The following FAAH2 variants were observed in gnomAD, a reference collection of about 807,000 sequenced individuals.
FAAH2 encodes the protein fatty acid amide hydrolase 2, also known as fatty-acid amide hydrolase 2.
Under a neutral mutation model 36.9 loss-of-function variants are expected in FAAH2, and 60 were observed. That is an observed-to-expected ratio of 1.63 (90% CI 1.32 to 2.02). The LOEUF (loss-of-function observed/expected upper bound fraction) is 2.02. Ranked by LOEUF, FAAH2 falls within the 30% of genes most tolerant of loss-of-function variation. The pLI is 0.00. For synonymous variants in FAAH2, 214 were observed against 143.8 expected, an observed-to-expected ratio of 1.49 and a Z score of -3.49; for missense variants, 689 against 397.5, an observed-to-expected ratio of 1.73 and a Z score of -6.23.
intron 10 of FAAH2, among the ~76,000 whole-genome samples, chrX:57,485,245 C>T (rs1183721710): frequency 1.1e-4 from 12 of 111,653 alleles, no homozygotes; most frequent in African/African-American, 3.9e-4. Context: ...CCTACTCTCT[C>T]CCTGGCCCAG....
chrX:57,232,629 T>A, the FAAH2 span, among the ~76,000 whole-genome samples: 1 of 112,464 alleles, frequency 8.9e-6, no homozygotes, highest in Non-Finnish European at 1.9e-5. Context: ...CTCTCGTAAC[T>A]AAGATAGACA....
intron 7 of FAAH2, among the ~76,000 whole-genome samples, chrX:57,389,963 A>G (rs1381015969): frequency 9.2e-6 from 1 of 108,207 alleles, no homozygotes; most frequent in Non-Finnish European, 1.9e-5. Flanking sequence ...TTTTTTTTTC[A>G]TATACCTAGG....
intron 8 of FAAH2, among the ~76,000 whole-genome samples, chrX:57,439,160 C>A (rs1482032643): frequency 1.8e-5 from 2 of 109,802 alleles, no homozygotes; most frequent in East Asian, 5.8e-4. Context: ...AGTTCTAGAT[C>A]CCTGAGGAAT....
intron 3 of FAAH2, among the ~76,000 whole-genome samples, chrX:57,324,855 G>A (rs2053161276): frequency 1.8e-5 from 2 of 111,728 alleles, no homozygotes; most frequent in Non-Finnish European, 3.8e-5. Flanking sequence ...TAATTGCCCT[G>A]GCCATAACTT....
chrX:57,474,850 C>A (rs2057235390), intron 10 of FAAH2, among the ~76,000 whole-genome samples: 1 of 112,085 alleles, frequency 8.9e-6, no homozygotes, highest in Admixed American at 9.5e-5. Flanking sequence ...CACAGGCACA[C>A]CAGCATCTGT....
the FAAH2 span, among the ~76,000 whole-genome samples, chrX:57,280,782 C>T: frequency 8.9e-6 from 1 of 111,855 alleles, no homozygotes; most frequent in Non-Finnish European, 1.9e-5. Flanking sequence ...CAGCTTTATT[C>T]AATAATAACC....
At chrX:57,388,452 C>A (rs1466792012) in intron 7 of FAAH2, among the ~76,000 whole-genome samples, 1 of 111,016 alleles carries the variant, frequency 9.0e-6, no homozygotes, top group Non-Finnish European at 1.9e-5. Context: ...ATGCCAAGGC[C>A]TTGTGTGCTG....
chrX:57,218,734 C>T, the FAAH2 span, among the ~76,000 whole-genome samples: 1 of 110,983 alleles, frequency 9.0e-6, no homozygotes, highest in African/African-American at 3.3e-5. Context: ...AGGGAGGGTT[C>T]CTTCTCTATA....
intron 2 of FAAH2, among the ~76,000 whole-genome samples, chrX:57,308,821 C>T (rs1294613964): frequency 9.0e-6 from 1 of 111,409 alleles, no homozygotes; most frequent in African/African-American, 3.3e-5. Context: ...ATTCTCACTA[C>T]CACCATGTTA....
At chrX:57,145,259 G>GGC in the FAAH2 span, among the ~76,000 whole-genome samples, 2 of 108,037 alleles carry the variant, frequency 1.9e-5, 1 homozygote, top group African/African-American at 7.1e-5. Context: ...CTTTTGGGGG[G>GGC]GGGTAAGGTG....
the FAAH2 span, among the ~76,000 whole-genome samples, chrX:57,183,898 A>AT: frequency 9.1e-6 from 1 of 110,157 alleles, no homozygotes; most frequent in Non-Finnish European, 1.9e-5. Flanking sequence ...ATATCGCTAA[A>AT]TTTTTTTCCT....
At chrX:57,136,948 C>A in the FAAH2 span, 12 of 864,982 alleles carry the variant, frequency 1.4e-5, 1 homozygote, top group Non-Finnish European at 3.0e-6. Flanking sequence ...CCAGCACCCA[C>A]TACCCTCCTG....
Position 57,489,013 on chromosome X carries a change from C to A in FAAH2, c.*81C>A. On this transcript the variant is annotated 3_prime_UTR_variant, in exon 11 of 11. Coordinates refer to ENST00000374900, the MANE Select transcript of FAAH2 (RefSeq NM_174912.4). ...TCTATTAATTGGGTGAAATCAAGCA[C>A]CAGCAGACAAGCAGAGAAACAACTG... 2 of 967,822 alleles carry A rather than the reference C, an allele frequency of 2.1e-6. No individual in the cohort carries two copies. Among genetic ancestry groups the A allele is most frequent in the Non-Finnish European group, 2.8e-6 (2 of 726,548 alleles). The allele number at this position is 967,822 out of a possible 1,213,427, so 79.8% of individuals were successfully genotyped here.
intron 7 of FAAH2, among the ~76,000 whole-genome samples, chrX:57,420,737 G>A (rs1016167846): frequency 9.3e-6 from 1 of 107,612 alleles, no homozygotes; most frequent in African/African-American, 3.4e-5. Context: ...AATTGCCCTG[G>A]CCAGAACTTC....
the FAAH2 span, among the ~76,000 whole-genome samples, chrX:57,180,868 A>G: frequency 9.0e-6 from 1 of 111,709 alleles, no homozygotes; most frequent in African/African-American, 3.2e-5. Flanking sequence ...TCCTTCATGA[A>G]CATCGTTGCA....
the FAAH2 span, among the ~76,000 whole-genome samples, chrX:57,147,654 C>T: frequency 9.0e-6 from 1 of 111,704 alleles, no homozygotes; most frequent in African/African-American, 3.2e-5. Flanking sequence ...ACATTAGGAA[C>T]ATTGTCTATT....
the FAAH2 span, among the ~76,000 whole-genome samples, chrX:57,169,172 C>T: frequency 9.1e-6 from 1 of 109,513 alleles, no homozygotes; most frequent in East Asian, 2.9e-4. Context: ...TCAGTACTAT[C>T]GGATTAGGGA....
chrX:57,183,432 C>T, the FAAH2 span, among the ~76,000 whole-genome samples: 1 of 111,026 alleles, frequency 9.0e-6, no homozygotes, highest in Non-Finnish European at 1.9e-5. Flanking sequence ...AAACATCTAT[C>T]AATAGTGACA....
the FAAH2 span, among the ~76,000 whole-genome samples, chrX:57,165,238 C>T: frequency 1.8e-5 from 2 of 111,937 alleles, no homozygotes; most frequent in Admixed American, 9.5e-5. Context: ...GACACACGCA[C>T]ATGTATGTTT....
Sources: allele counts gnomAD v4.1 joint callset (sites outside exome capture counted in the v4.1 genomes callset), GRCh38; gene constraint gnomAD v4.1.1; transcripts MANE v1.5; gene names NCBI Gene and HGNC (gene_info 2026-07-23, HGNC 2026-07-21).